STAB2: variants seen among roughly 807,000 people sequenced by gnomAD.
STAB2 encodes stabilin 2.
A neutral mutation model predicts 338.1 loss-of-function variants in STAB2; 288 were observed. The observed-to-expected ratio is 0.85, with a 90% CI of 0.77 to 0.94. The LOEUF (loss-of-function observed/expected upper bound fraction) is 0.94. STAB2 is among the 40% of genes least tolerant of loss of function. STAB2 has a pLI of 0.00. For missense variants in STAB2, 3,141 were observed against 3,210.1 expected (o/e 0.98, Z 0.52); for synonymous variants, 1,202 against 1,193.3 (o/e 1.01, Z -0.15).
Position 103,727,287 on chromosome 12 carries a change from G to A in STAB2, c.4872G>A (p.Leu1624=), listed in dbSNP as rs765909613. 34 of 1,614,104 alleles carry A rather than the reference G, an allele frequency of 2.1e-5. No homozygotes were observed. In the East Asian group the frequency reaches 7.1e-4, roughly 34 times the overall value. Residue 1624 remains leucine, a synonymous_variant, in exon 47 of 69, where the codon CTG becomes CTA. Transcript: ENST00000388887. The part of the protein sequence containing the change: ...FQLQEHFVKD[L]VGPGPFTVFA... Reference sequence around the variant, plus strand: ...CACAGGAGCATTTCGTGAAAGATCTGGTCGGCCCAGGCCCCTTCACTGTTT... The same window carrying A: ...CACAGGAGCATTTCGTGAAAGATCTAGTCGGCCCAGGCCCCTTCACTGTTT...
At chr12:103,719,644 G>A (rs2139034934) in intron 44 of STAB2, among the ~76,000 whole-genome samples, 1 of 152,308 alleles carries the variant, frequency 6.6e-6, no homozygotes, top group Non-Finnish European at 1.5e-5. Context: ...CCTCTTGCAA[G>A]GACATTTGTG....
At chr12:103,729,943 T>G in intron 48 of STAB2, among the ~76,000 whole-genome samples, 173 bp from the exon 49 acceptor site, 1 of 152,242 alleles carries the variant, frequency 6.6e-6, no homozygotes, top group East Asian at 1.9e-4. Flanking sequence ...GAAAGTTACA[T>G]TTTTATCTCT....
At chr12:103,701,114 T>C (rs1324666547) in intron 34 of STAB2, among the ~76,000 whole-genome samples, 1 of 151,594 alleles carries the variant, frequency 6.6e-6, no homozygotes, top group African/African-American at 2.4e-5. Context: ...TTTGGTTTTT[T>C]GTTCTTGCGA....
intron 3 of STAB2, among the ~76,000 whole-genome samples, chr12:103,608,607 T>C (rs1015732074): frequency 6.6e-6 from 1 of 152,208 alleles, no homozygotes; most frequent in African/African-American, 2.4e-5. Context: ...GATAAGTAGA[T>C]TGCAAAAATG....
chr12:103,695,803 G>A lies in STAB2; in HGVS notation c.3541G>A (p.Ala1181Thr). ...AYTVFAPNNNAIENYIREKKV... is the reference protein window; with the variant it reads ...AYTVFAPNNNTIENYIREKKV... ...CACAGTGTTTGCTCCAAACAACAAT[G>A]CCATCGAGAATTACATCAGGGAGAA... The change falls in exon 33 of 69, where the codon GCC becomes ACC. Residue 1181 changes from alanine (A) to threonine (T), a missense_variant. Physicochemically the swap from Ala to Thr is moderately conservative, Grantham distance 58. Transcript: ENST00000388887. The A allele has an allele frequency of 1.2e-6, 2 of 1,614,178 alleles. No homozygotes were observed. The highest frequency in any genetic ancestry group is 8.5e-7 in the Non-Finnish European group (1 of 1,180,030).
chr12:103,743,025 T>TTC (rs1250606532), intron 56 of STAB2, among the ~76,000 whole-genome samples: 1 of 147,942 alleles, frequency 6.8e-6, no homozygotes, highest in Non-Finnish European at 1.5e-5. Context: ...TTTTTTTTCT[T>TTC]TTTTTTTTTT....
At chr12:103,727,127 T>C in intron 46 of STAB2, 140 bp from the exon 47 acceptor site, 1 of 800,658 alleles carries the variant, frequency 1.2e-6, no homozygotes, top group Non-Finnish European at 2.1e-6. Flanking sequence ...CTGGGTTTCA[T>C]TTGAATCCAA....
At chr12:103,759,072 TAA>T in intron 64 of STAB2, 59 bp from the exon 65 acceptor site, 2 of 1,613,500 alleles carry the variant, frequency 1.2e-6, no homozygotes, top group Admixed American at 3.3e-5. Flanking sequence ...TCCCCATCAT[TAA>T]AAAGACAAAA....
intron 58 of STAB2, among the ~76,000 whole-genome samples, chr12:103,748,712 G>A (rs1883305940): frequency 6.6e-6 from 1 of 151,512 alleles, no homozygotes; most frequent in African/African-American, 2.4e-5. Flanking sequence ...CCAAAGTCAA[G>A]CCTGGAGGTA....
Position 103,639,878 on chromosome 12 carries a change from AGG to A in STAB2, c.907-243_907-242del, listed in dbSNP as rs564517636. Among the ~76,000 whole-genome samples, 406 of 152,294 alleles carry A rather than the reference AGG, an allele frequency of 2.7e-3. 1 individual carries two copies. Among genetic ancestry groups the A allele is most frequent in the African/African-American group, 9.4e-3 (391 of 41,562 alleles). On this transcript the variant is annotated intron_variant, in intron 8 of 68. Coordinates refer to ENST00000388887, the MANE Select transcript of STAB2 (RefSeq NM_017564.10). Reference sequence around the variant, plus strand: ...GGGACTTATGGAGCTAGGGAGGTCAAGGGTTAGGAAACAAGAAAATTGAAGCT... The same window carrying A: ...GGGACTTATGGAGCTAGGGAGGTCAAGTTAGGAAACAAGAAAATTGAAGCT...
intron 37 of STAB2, 144 bp downstream of exon 37, chr12:103,705,871 G>A (rs561370795): frequency 1.3e-6 from 1 of 750,728 alleles, no homozygotes; most frequent in African/African-American, 1.7e-5. Flanking sequence ...GTCATCCAAT[G>A]TAGTAGTGGT....
chr12:103,712,609 T>A (rs1428975211), intron 41 of STAB2, among the ~76,000 whole-genome samples, 166 bp downstream of exon 41: 1 of 152,196 alleles, frequency 6.6e-6, no homozygotes, highest in Non-Finnish European at 1.5e-5. Flanking sequence ...GGAAACCAAC[T>A]GTTCACAGCC....
At chr12:103,711,364 G>T in intron 39 of STAB2, 107 bp from the exon 40 acceptor site, 2 of 1,433,788 alleles carry the variant, frequency 1.4e-6, no homozygotes, top group South Asian at 2.4e-5. Context: ...TCGCTCACAT[G>T]ATACATATCA....
intron 34 of STAB2, among the ~76,000 whole-genome samples, chr12:103,701,867 A>G (rs1878902173): frequency 6.6e-6 from 1 of 152,042 alleles, no homozygotes; most frequent in Non-Finnish European, 1.5e-5. Context: ...TAGTACGGTC[A>G]TTTTAATATT....
At chr12:103,671,133 G>A (rs927141737) in intron 22 of STAB2, among the ~76,000 whole-genome samples, 24 of 152,166 alleles carry the variant, frequency 1.6e-4, no homozygotes, top group African/African-American at 5.6e-4. Flanking sequence ...CCACATTCTT[G>A]AAGTGATAGT....
chr12:103,711,225 G>C (rs1231265156), intron 39 of STAB2: 3 of 540,690 alleles, frequency 5.5e-6, no homozygotes, highest in Non-Finnish European at 9.8e-6. Flanking sequence ...ATTCACTCTT[G>C]CATCCTCACT....
intron 55 of STAB2, among the ~76,000 whole-genome samples, chr12:103,741,471 TGA>T (rs1882578933): frequency 6.6e-6 from 1 of 152,190 alleles, no homozygotes; most frequent in African/African-American, 2.4e-5. Flanking sequence ...TGACTTTTTT[TGA>T]GAGAGGGTCT....
intron 5 of STAB2, among the ~76,000 whole-genome samples, chr12:103,627,399 T>A (rs1162807362): frequency 6.6e-6 from 1 of 152,186 alleles, no homozygotes; most frequent in African/African-American, 2.4e-5. Flanking sequence ...TACTCTGCTA[T>A]GGGGCATGTC....
At chr12:103,665,362 C>G (rs540732792) in intron 18 of STAB2, among the ~76,000 whole-genome samples, 23 of 152,278 alleles carry the variant, frequency 1.5e-4, no homozygotes, top group African/African-American at 4.8e-4. Context: ...CTGCAAGAAA[C>G]AGAATCCATC....
Sources: allele counts gnomAD v4.1 joint callset (sites outside exome capture counted in the v4.1 genomes callset), GRCh38; gene constraint gnomAD v4.1.1; transcripts MANE v1.5; gene names NCBI Gene and HGNC (gene_info 2026-07-23, HGNC 2026-07-21).